The following EEIG1 variants were observed in gnomAD, a reference collection of about 807,000 sequenced individuals.
EEIG1 encodes early estrogen-induced gene 1 protein.
chr9:127,943,688 C>T, the EEIG1 span: 1 of 168,384 alleles, frequency 5.9e-6, no homozygotes, highest in Non-Finnish European at 1.3e-5. Context: ...TCGCTCCCAA[C>T]CAGATTGGTT....
At chr9:127,959,696 G>T in the EEIG1 span, among the ~76,000 whole-genome samples, 1 of 152,210 alleles carries the variant, frequency 6.6e-6, no homozygotes, top group African/African-American at 2.4e-5. Flanking sequence ...CTGCTGCCAT[G>T]TGAAGAAGGT....
the EEIG1 span, chr9:127,980,411 C>G: frequency 3.5e-6 from 1 of 286,246 alleles, no homozygotes; most frequent in East Asian, 7.0e-5. Context: ...AGGGCATGGC[C>G]CAGGAGGCAG....
the EEIG1 span, among the ~76,000 whole-genome samples, chr9:127,956,800 C>T: frequency 6.6e-6 from 1 of 152,112 alleles, no homozygotes; most frequent in Non-Finnish European, 1.5e-5. Flanking sequence ...CTGCAACCTC[C>T]ACCTGCTGGG....
the EEIG1 span, among the ~76,000 whole-genome samples, chr9:127,961,354 G>C: frequency 2.0e-5 from 3 of 152,184 alleles, no homozygotes; most frequent in African/African-American, 7.2e-5. Context: ...GCTCAGGCAG[G>C]GTGGGGTAAG....
chr9:127,955,728 C>T, the EEIG1 span, among the ~76,000 whole-genome samples: 41 of 152,316 alleles, frequency 2.7e-4, no homozygotes, highest in South Asian at 8.1e-3. Flanking sequence ...GAGGGAGTCC[C>T]GTTTCCTTAG....
chr9:127,960,317 TG>T, the EEIG1 span, among the ~76,000 whole-genome samples: 1 of 151,752 alleles, frequency 6.6e-6, no homozygotes, highest in South Asian at 2.1e-4. Context: ...GAAGAGGAGC[TG>T]GGGGGAGATC....
At chr9:127,944,717 C>A in the EEIG1 span, 1 of 1,612,034 alleles carries the variant, frequency 6.2e-7, no homozygotes, top group Non-Finnish European at 8.5e-7. Flanking sequence ...GGAGGCTGAG[C>A]GCGGCAGGGC....
At chr9:127,951,814 C>CAAAA in the EEIG1 span, among the ~76,000 whole-genome samples, 10 of 109,214 alleles carry the variant, frequency 9.2e-5, no homozygotes, top group African/African-American at 3.3e-4. Context: ...GACTCCATCT[C>CAAAA]AAAAAAAAAA....
At chr9:127,956,359 G>C in the EEIG1 span, among the ~76,000 whole-genome samples, 14 of 152,284 alleles carry the variant, frequency 9.2e-5, no homozygotes, top group African/African-American at 3.4e-4. Context: ...CAGATGACTT[G>C]ATCTTTTATA....
At chr9:127,960,695 T>C in the EEIG1 span, among the ~76,000 whole-genome samples, 3 of 152,186 alleles carry the variant, frequency 2.0e-5, no homozygotes, top group Non-Finnish European at 4.4e-5. Context: ...CAGTGAATTG[T>C]GGGCTTTCTC....
chr9:127,950,618 G>A, the EEIG1 span: 261 of 1,565,642 alleles, frequency 1.7e-4, no homozygotes, highest in African/African-American at 3.2e-3. Flanking sequence ...GGGTAACTTG[G>A]CAAAAGTTGG....
At chr9:127,945,434 C>T in the EEIG1 span, 9 of 1,567,162 alleles carry the variant, frequency 5.7e-6, no homozygotes, top group Non-Finnish European at 7.8e-6. This position sits in a 1 kb window ranked among gnomAD's most constrained non-coding sequence, Gnocchi z 6.5. Context: ...GGCCGGTGCT[C>T]CCGCTCACTG....
the EEIG1 span, among the ~76,000 whole-genome samples, chr9:127,978,942 G>A: frequency 1.3e-5 from 2 of 151,954 alleles, no homozygotes; most frequent in Non-Finnish European, 2.9e-5. Context: ...GATTGAACCC[G>A]GGAGGTAGAG....
At chr9:127,974,484 T>C in the EEIG1 span, among the ~76,000 whole-genome samples, 1 of 152,194 alleles carries the variant, frequency 6.6e-6, no homozygotes, top group Non-Finnish European at 1.5e-5. Flanking sequence ...TCCTGTCCAA[T>C]TCCCCTCTGC....
chr9:127,945,409 G>A, the EEIG1 span: 38 of 1,581,364 alleles, frequency 2.4e-5, no homozygotes, highest in African/African-American at 1.2e-4. The surrounding 1 kb of genome is among the most constrained non-coding windows in gnomAD (Gnocchi z 6.5). Flanking sequence ...GGGTGGCCGC[G>A]GCGGCTTCTC....
the EEIG1 span, among the ~76,000 whole-genome samples, chr9:127,963,455 T>A: frequency 3.9e-5 from 6 of 152,282 alleles, no homozygotes; most frequent in Non-Finnish European, 5.9e-5. Flanking sequence ...GTTTCATTTT[T>A]AGCTTTAAGA....
At chr9:127,958,156 G>C in the EEIG1 span, among the ~76,000 whole-genome samples, 1 of 152,214 alleles carries the variant, frequency 6.6e-6, no homozygotes, top group African/African-American at 2.4e-5. Flanking sequence ...AAGTGCGTGT[G>C]TGAGGGGGGT....
At chr9:127,969,972 G>T in the EEIG1 span, among the ~76,000 whole-genome samples, 1 of 152,136 alleles carries the variant, frequency 6.6e-6, no homozygotes, top group Non-Finnish European at 1.5e-5. Flanking sequence ...TACTCAGAGA[G>T]AACATACCCA....
At chr9:127,967,737 G>A in the EEIG1 span, among the ~76,000 whole-genome samples, 1 of 152,300 alleles carries the variant, frequency 6.6e-6, no homozygotes, top group African/African-American at 2.4e-5. Flanking sequence ...GGTACCCACC[G>A]GACACTTGAC....
Sources: allele counts gnomAD v4.1 joint callset (sites outside exome capture counted in the v4.1 genomes callset), GRCh38; gene constraint gnomAD v4.1.1; non-coding constraint Gnocchi (gnomAD v3.1); transcripts MANE v1.5; gene names NCBI Gene and HGNC (gene_info 2026-07-23, HGNC 2026-07-21).